RUNX2: variants seen among roughly 807,000 people sequenced by gnomAD.
RUNX2 encodes RUNX family transcription factor 2, also known as runt-related transcription factor 2.
In RUNX2, 10 loss-of-function variants were observed where a neutral mutation model predicts 51.7. That is an observed-to-expected ratio of 0.19 (90% confidence interval 0.12 to 0.33). RUNX2 has a LOEUF of 0.33. RUNX2 is among the 10% of genes least tolerant of loss of function. The pLI is 1.00. For synonymous variants in RUNX2, 276 were observed against 273.6 expected (o/e 1.01, Z -0.09); for missense variants, 562 against 691.3 (o/e 0.81, Z 2.10).
intron 2 of RUNX2, among the ~76,000 whole-genome samples, chr6:45,376,159 A>C (rs1294429715): frequency 6.6e-6 from 1 of 152,210 alleles, no homozygotes; most frequent in Non-Finnish European, 1.5e-5. Context: ...TTAGCTGTAC[A>C]ACCTAGGAGA....
At chr6:45,480,395 CTT>C (rs1377124352) in intron 5 of RUNX2, among the ~76,000 whole-genome samples, 1 of 152,182 alleles carries the variant, frequency 6.6e-6, no homozygotes, top group Non-Finnish European at 1.5e-5. Flanking sequence ...AAAGACGTCT[CTT>C]GTTTAATCAT....
At chr6:45,456,730 T>C (rs1281495438) in intron 5 of RUNX2, among the ~76,000 whole-genome samples, 1 of 152,226 alleles carries the variant, frequency 6.6e-6, no homozygotes, top group Non-Finnish European at 1.5e-5. Flanking sequence ...ACCTGCCCTA[T>C]GGGCTGGGTT....
At chr6:45,408,368 G>A (rs1412369801) in intron 2 of RUNX2, among the ~76,000 whole-genome samples, 1 of 152,016 alleles carries the variant, frequency 6.6e-6, no homozygotes, top group Non-Finnish European at 1.5e-5. Flanking sequence ...ATCACTTTTA[G>A]GAAGGAGTAT....
At chr6:45,377,517 G>A (rs1006636502) in intron 2 of RUNX2, 5 of 152,166 alleles carry the variant, frequency 3.3e-5, no homozygotes, top group Non-Finnish European at 5.9e-5. Flanking sequence ...CCAAAAGGGA[G>A]GAGTCGAGAG....
chr6:45,394,174 C>A (rs986665209), intron 2 of RUNX2, among the ~76,000 whole-genome samples: 1 of 152,120 alleles, frequency 6.6e-6, no homozygotes, highest in Non-Finnish European at 1.5e-5. Flanking sequence ...GCCCAAAGTG[C>A]TAGGATTACA....
At chr6:45,523,163 T>A (rs1467607398) in intron 7 of RUNX2, among the ~76,000 whole-genome samples, 2 of 152,234 alleles carry the variant, frequency 1.3e-5, no homozygotes, top group African/African-American at 4.8e-5. Context: ...CATCCCTATG[T>A]CTTAATATTA....
intron 3 of RUNX2, among the ~76,000 whole-genome samples, chr6:45,424,362 G>T (rs914498468): frequency 1.3e-5 from 2 of 152,188 alleles, no homozygotes; most frequent in African/African-American, 2.4e-5. Flanking sequence ...GTCCACACTC[G>T]CAGGACTGTC....
intron 4 of RUNX2, among the ~76,000 whole-genome samples, chr6:45,436,352 A>AT (rs113166183): frequency 0.079 from 12,029 of 152,042 alleles, 618 homozygotes; most frequent in African/African-American, 0.15. Context: ...TCAGATCTTC[A>AT]TTTTTTCATT....
chr6:45,539,088 A>G (rs1802137388), intron 7 of RUNX2, among the ~76,000 whole-genome samples: 1 of 152,054 alleles, frequency 6.6e-6, no homozygotes, highest in Admixed American at 6.6e-5. Context: ...GTATGCATAC[A>G]CACTCACTCA....
Position 45,334,811 on chromosome 6 carries a change from T to C in RUNX2, c.58+6027T>C, listed in dbSNP as rs140332155. On this transcript the variant is annotated intron_variant, in intron 2 of 8. Transcript: ENST00000647337. ...GAGGTACTATAGTTCTGTCATGAAA[T>C]ATAATCAAAATTTTTTTGCATGTAA... 8.9e-3 allele frequency among the ~76,000 whole-genome samples: 1,345 copies of C among 151,266 alleles called. 13 individuals carry two copies. Among genetic ancestry groups the C allele is most frequent in the South Asian group, 0.025 (119 of 4,818 alleles).
intron 2 of RUNX2, among the ~76,000 whole-genome samples, chr6:45,402,559 G>T (rs1320971924): frequency 6.6e-6 from 1 of 151,964 alleles, no homozygotes; most frequent in African/African-American, 2.4e-5. Context: ...CAAAATTTTG[G>T]CTATGATAAT....
rs1563078685 is a variant in RUNX2, at chr6:45,422,607, C to A, written c.73C>A (p.Arg25=). The change falls in exon 3 of 9, where the codon CGG becomes AGG. Residue 25 remains arginine (R), a synonymous_variant. Transcript: ENST00000647337. Reference sequence around the variant, plus strand: ...TATTCCCGTAGATCCGAGCACCAGCCGGCGCTTCAGCCCCCCCTCCAGCAG... The same window carrying A: ...TATTCCCGTAGATCCGAGCACCAGCAGGCGCTTCAGCCCCCCCTCCAGCAG... ...QNFFWDPSTS[R]RFSPPSSSLQ... 6.2e-7 allele frequency: 1 copy of A among 1,606,080 alleles called. No homozygotes were observed. Among genetic ancestry groups the A allele is most frequent in the East Asian group, 2.3e-5 (1 of 44,282 alleles).
chr6:45,524,478 C>G (rs149579988), intron 7 of RUNX2, among the ~76,000 whole-genome samples: 47 of 152,268 alleles, frequency 3.1e-4, no homozygotes, highest in African/African-American at 1.1e-3. Context: ...GTACCCAAAA[C>G]GGTCACCGTT....
At chr6:45,407,834 C>G (rs1389449253) in intron 2 of RUNX2, among the ~76,000 whole-genome samples, 1 of 151,138 alleles carries the variant, frequency 6.6e-6, no homozygotes, top group African/African-American at 2.4e-5. Context: ...TTTTTTTTTG[C>G]TTTAGAGTCT....
chr6:45,427,712 T>A (rs1176975484), intron 3 of RUNX2, among the ~76,000 whole-genome samples: 4 of 152,182 alleles, frequency 2.6e-5, no homozygotes, highest in Admixed American at 6.5e-5. Flanking sequence ...TAGTTAAGAC[T>A]AGACTTCTGT....
intron 6 of RUNX2, 110 bp from the exon 7 acceptor site, chr6:45,512,134 ATT>A: frequency 3.2e-6 from 3 of 942,482 alleles, no homozygotes; most frequent in Admixed American, 2.0e-5. Context: ...TATATAAGCC[ATT>A]TTTTTTTCTC....
intron 2 of RUNX2, among the ~76,000 whole-genome samples, chr6:45,349,681 T>A (rs2150180665): frequency 6.6e-6 from 1 of 152,378 alleles, no homozygotes; most frequent in East Asian, 1.9e-4. Context: ...ATCAATTTGC[T>A]GCTCTTTATA....
intron 5 of RUNX2, among the ~76,000 whole-genome samples, chr6:45,440,652 A>T (rs1259894617): frequency 1.3e-5 from 2 of 150,328 alleles, no homozygotes; most frequent in East Asian, 3.9e-4. Context: ...TCGGATTTCA[A>T]TTTTTTTTTT....
intron 2 of RUNX2, among the ~76,000 whole-genome samples, chr6:45,400,189 G>GGGAAGGAA (rs374999004): frequency 0.069 from 9,800 of 141,370 alleles, 485 homozygotes; most frequent in South Asian, 0.16. Flanking sequence ...GAGGGAATGA[G>GGGAAGGAA]GGAAGGAAGG....
Sources: allele counts gnomAD v4.1 joint callset (sites outside exome capture counted in the v4.1 genomes callset), GRCh38; gene constraint gnomAD v4.1.1; transcripts MANE v1.5; gene names NCBI Gene and HGNC (gene_info 2026-07-23, HGNC 2026-07-21).